CTNNA3: variants seen among roughly 807,000 people sequenced by gnomAD.
The protein encoded by CTNNA3 is catenin alpha-3.
In CTNNA3, 76 loss-of-function variants were observed where a neutral mutation model predicts 95.7. The ratio of observed to expected loss-of-function variants is 0.79; its 90% confidence interval spans 0.66 to 0.96. The LOEUF (loss-of-function observed/expected upper bound fraction) is 0.96. Among genes scored for constraint, CTNNA3 ranks in the 40% least tolerant of loss-of-function variants. CTNNA3 has a pLI of 0.00. For missense variants in CTNNA3, 1,191 were observed against 1,089.8 expected (o/e 1.09, Z -1.31); for synonymous variants, 431 against 374.4 (o/e 1.15, Z -1.74).
chr10:67,206,324 T>C (rs1487191827), intron 6 of CTNNA3, among the ~76,000 whole-genome samples: 1 of 152,202 alleles, frequency 6.6e-6, no homozygotes, highest in African/African-American at 2.4e-5. Flanking sequence ...TTTAGCTGAT[T>C]GCCTGTGGTA....
At chr10:66,605,923 T>C (rs775788780) in intron 10 of CTNNA3, among the ~76,000 whole-genome samples, 1 of 152,066 alleles carries the variant, frequency 6.6e-6, no homozygotes, top group African/African-American at 2.4e-5. Flanking sequence ...CCACCTAACA[T>C]CATGATGACA....
chr10:66,649,135 T>C (rs1845809183), intron 9 of CTNNA3, among the ~76,000 whole-genome samples: 1 of 152,116 alleles, frequency 6.6e-6, no homozygotes, highest in African/African-American at 2.4e-5. Flanking sequence ...GAGGAATGAT[T>C]GAACAATACT....
chr10:67,516,303 T>C (rs1306178724), intron 5 of CTNNA3, among the ~76,000 whole-genome samples: 1 of 152,226 alleles, frequency 6.6e-6, no homozygotes, highest in Non-Finnish European at 1.5e-5. Context: ...TGCAATATTA[T>C]TCTAGCTGAT....
At chr10:67,717,669 T>A (rs1416704804) in intron 1 of CTNNA3, among the ~76,000 whole-genome samples, 1 of 152,182 alleles carries the variant, frequency 6.6e-6, no homozygotes, top group Non-Finnish European at 1.5e-5. Flanking sequence ...TCTGTTCCAT[T>A]GGTCTATATA....
Position 66,342,114 on chromosome 10 carries a change from A to G in CTNNA3, c.1732+37038T>C, listed in dbSNP as rs1032118949. 2.6e-5 allele frequency among the ~76,000 whole-genome samples: 4 copies of G among 151,988 alleles called. No homozygotes were observed. In the East Asian group the frequency reaches 7.7e-4, roughly 29 times the overall value. Reference sequence around the variant, plus strand: ...TCAATTTTTTCTAATTCTTAGTTGCATGTGTTAGTCCTTATCTAGGTCTTA... The same window carrying G: ...TCAATTTTTTCTAATTCTTAGTTGCGTGTGTTAGTCCTTATCTAGGTCTTA... On this transcript the variant is annotated intron_variant, in intron 12 of 17. Transcript: ENST00000433211.
At chr10:66,111,431 G>C (rs1029524078) in intron 13 of CTNNA3, among the ~76,000 whole-genome samples, 19 of 152,196 alleles carry the variant, frequency 1.2e-4, no homozygotes, top group African/African-American at 3.6e-4. Context: ...AATGTCATTA[G>C]GTGATAGGAA....
chr10:66,491,221 G>T (rs950338680), intron 11 of CTNNA3, among the ~76,000 whole-genome samples: 1 of 152,074 alleles, frequency 6.6e-6, no homozygotes, highest in Non-Finnish European at 1.5e-5. Flanking sequence ...ACTATTGCTA[G>T]GGATAGATCT....
chr10:66,434,681 T>C (rs7476500), intron 11 of CTNNA3, among the ~76,000 whole-genome samples: 58,089 of 152,000 alleles, frequency 0.38, 11,678 homozygotes, highest in African/African-American at 0.5. Flanking sequence ...TCCAATACTA[T>C]GTTGAATAGG....
At chr10:65,948,296 A>AAAG (rs2077554872) in intron 17 of CTNNA3, among the ~76,000 whole-genome samples, 2 of 141,206 alleles carry the variant, frequency 1.4e-5, no homozygotes, top group South Asian at 2.3e-4. Flanking sequence ...AAAAAAAAAA[A>AAAG]AAAGAAAGAA....
intron 15 of CTNNA3, among the ~76,000 whole-genome samples, chr10:66,005,048 C>T (rs954193676): frequency 2.6e-5 from 4 of 152,200 alleles, no homozygotes; most frequent in Non-Finnish European, 5.9e-5. Flanking sequence ...CCATTTTCAG[C>T]TTCTAGAAGC....
chr10:67,129,356 A>G (rs918534006), intron 7 of CTNNA3, among the ~76,000 whole-genome samples: 4 of 152,186 alleles, frequency 2.6e-5, no homozygotes, highest in Admixed American at 1.3e-4. Flanking sequence ...CTAAGTTTAA[A>G]AGTATCTCAA....
intron 7 of CTNNA3, among the ~76,000 whole-genome samples, chr10:66,995,918 A>G (rs1851304511): frequency 6.6e-6 from 1 of 152,214 alleles, no homozygotes; most frequent in African/African-American, 2.4e-5. Flanking sequence ...CTGATATTGC[A>G]TTAGACATTG....
chr10:67,646,240 C>T (rs1839704332), intron 2 of CTNNA3, among the ~76,000 whole-genome samples: 2 of 148,026 alleles, frequency 1.4e-5, no homozygotes. Context: ...TGGTCTTTAA[C>T]TCCTGGACTT....
intron 7 of CTNNA3, among the ~76,000 whole-genome samples, chr10:67,053,419 C>T (rs939152799): frequency 5.3e-5 from 8 of 152,036 alleles, no homozygotes; most frequent in Non-Finnish European, 1.5e-5. Flanking sequence ...ACTTGAAGAA[C>T]ATTTTTATAA....
intron 8 of CTNNA3, among the ~76,000 whole-genome samples, chr10:66,774,916 T>C (rs1840233778): frequency 6.6e-6 from 1 of 152,186 alleles, no homozygotes; most frequent in African/African-American, 2.4e-5. Flanking sequence ...AGGCTTAACT[T>C]TTACAAAAAC....
intron 5 of CTNNA3, among the ~76,000 whole-genome samples, chr10:67,391,847 C>G (rs10997629): frequency 0.17 from 24,852 of 148,708 alleles, 3,009 homozygotes; most frequent in African/African-American, 0.33. Flanking sequence ...AAACTGGCTA[C>G]CCATTTGTAG....
At chr10:66,010,643 A>T (rs2078988670) in intron 15 of CTNNA3, among the ~76,000 whole-genome samples, 3 of 152,130 alleles carry the variant, frequency 2.0e-5, no homozygotes, top group Admixed American at 2.0e-4. Flanking sequence ...TTTTCCATAC[A>T]CTCAGATGGC....
intron 5 of CTNNA3, among the ~76,000 whole-genome samples, chr10:67,260,434 A>C (rs1589100112): frequency 6.6e-6 from 1 of 152,200 alleles, no homozygotes; most frequent in African/African-American, 2.4e-5. Context: ...TTCTCCACAA[A>C]ATAATTTTAG....
At chr10:66,497,548 A>G (rs983394925) in intron 11 of CTNNA3, among the ~76,000 whole-genome samples, 3 of 152,042 alleles carry the variant, frequency 2.0e-5, no homozygotes, top group African/African-American at 7.2e-5. Context: ...TCATTTCACC[A>G]TATTGAGATA....
Sources: gnomAD v4.1 joint callset for allele counts (sites outside exome capture counted in the v4.1 genomes callset) on GRCh38, gnomAD v4.1.1 for gene constraint, MANE v1.5 for transcripts, NCBI Gene and HGNC (gene_info 2026-07-23, HGNC 2026-07-21) for gene names.